Variants in DNM3 observed in about 807,000 individuals in gnomAD.
DNM3 encodes the protein dynamin 3, also known as dynamin-3.
A neutral mutation model predicts 101.6 loss-of-function variants in DNM3; 47 were observed. That is an observed-to-expected ratio of 0.46 (90% CI 0.37 to 0.59). The LOEUF (loss-of-function observed/expected upper bound fraction) is 0.59. Among genes scored for constraint, DNM3 ranks in the 20% least tolerant of loss-of-function variants. The pLI is 0.00. For synonymous variants in DNM3, 385 were observed against 387.9 expected, an observed-to-expected ratio of 0.99 and a Z score of 0.09; for missense variants, 849 against 1,085.7, an observed-to-expected ratio of 0.78 and a Z score of 3.06.
intron 17 of DNM3, among the ~76,000 whole-genome samples, chr1:172,346,122 CAAAAAAA>C (rs554868535): frequency 9.8e-5 from 9 of 92,156 alleles, no homozygotes; most frequent in Non-Finnish European, 1.8e-4. Flanking sequence ...GACTCCGTCT[CAAAAAAA>C]AAAAAAAAAA....
At chr1:172,109,726 A>C (rs1038038155) in intron 13 of DNM3, among the ~76,000 whole-genome samples, 1 of 152,238 alleles carries the variant, frequency 6.6e-6, no homozygotes, top group Non-Finnish European at 1.5e-5. Context: ...ATTTCCCATC[A>C]GAAATCAGAA....
intron 1 of DNM3, among the ~76,000 whole-genome samples, chr1:171,900,208 G>A (rs558633318): frequency 3.3e-5 from 5 of 152,144 alleles, no homozygotes; most frequent in Non-Finnish European, 7.4e-5. Flanking sequence ...GATTCAAAGA[G>A]GACAATAGCG....
intron 15 of DNM3, among the ~76,000 whole-genome samples, chr1:172,296,566 AGG>A (rs1002897398): frequency 6.6e-6 from 1 of 152,202 alleles, no homozygotes; most frequent in African/African-American, 2.4e-5. Flanking sequence ...CTGACTATAC[AGG>A]GATGTGGAAT....
At chr1:172,308,423 A>G (rs1287813792) in intron 15 of DNM3, among the ~76,000 whole-genome samples, 1 of 152,238 alleles carries the variant, frequency 6.6e-6, no homozygotes, top group African/African-American at 2.4e-5. Flanking sequence ...CCTTCCCCAC[A>G]GCACAAGTTC....
At chr1:172,392,449 ATCTTAAACAGACAT>A (rs2069605610) in intron 20 of DNM3, among the ~76,000 whole-genome samples, 1 of 152,212 alleles carries the variant, frequency 6.6e-6, no homozygotes, top group African/African-American at 2.4e-5. Flanking sequence ...TAACAAGATG[ATCTTAAACAGACAT>A]CACCACCTCT....
Position 171,911,116 on chromosome 1 carries a change from G to A in DNM3, c.162-10632G>A, listed in dbSNP as rs368173610. On this transcript the variant is annotated intron_variant, in intron 1 of 20. Coordinates refer to ENST00000627582, the MANE Select transcript of DNM3 (RefSeq NM_015569.5). ...AGAGTGAGAGAGAAGCTGGATCCAG[G>A]AATCCACTTAAATCCTTCCTGGTTA... Among the ~76,000 whole-genome samples the A allele has an allele frequency of 8.5e-5, 13 of 152,220 alleles. No homozygotes were observed. In the East Asian group the frequency reaches 2.3e-3, roughly 27 times the overall value.
At chr1:171,920,721 A>G (rs368617378) in intron 1 of DNM3, among the ~76,000 whole-genome samples, 6 of 152,214 alleles carry the variant, frequency 3.9e-5, no homozygotes, top group African/African-American at 1.2e-4. Flanking sequence ...TTGCAGATGT[A>G]ATATTATGTA....
chr1:172,317,140 T>G lies in DNM3; in HGVS notation c.1882-6189T>G, dbSNP rs1388782981. Among the ~76,000 whole-genome samples, 11 of 151,270 alleles carry G rather than the reference T, an allele frequency of 7.3e-5. No individual in the cohort carries two copies. In the East Asian group the frequency reaches 1.6e-3, roughly 21 times the overall value. On this transcript the variant is annotated intron_variant, in intron 16 of 20. Transcript: ENST00000627582. ...GAACAACCTGCTCCTGAATGACTACTGGGTACATAACGAAATGAAGGCAGA... is the reference window on the plus strand; with the variant it reads ...GAACAACCTGCTCCTGAATGACTACGGGGTACATAACGAAATGAAGGCAGA...
At chr1:171,995,419 T>G (rs1305379955) in intron 4 of DNM3, among the ~76,000 whole-genome samples, 1 of 150,930 alleles carries the variant, frequency 6.6e-6, no homozygotes, top group Non-Finnish European at 1.5e-5. Flanking sequence ...ATCCAGGTGT[T>G]TTTTTTTTTG....
intron 14 of DNM3, among the ~76,000 whole-genome samples, chr1:172,194,855 A>G (rs565911408): frequency 6.6e-6 from 1 of 152,146 alleles, no homozygotes; most frequent in African/African-American, 2.4e-5. Context: ...TCTTTAGCCC[A>G]TTTACATTTA....
At chr1:172,228,571 G>A (rs931838579) in intron 14 of DNM3, among the ~76,000 whole-genome samples, 10 of 152,138 alleles carry the variant, frequency 6.6e-5, no homozygotes, top group African/African-American at 1.7e-4. Context: ...ATTTGCAACT[G>A]CCTGTTCTTC....
chr1:172,339,538 T>C lies in DNM3; in HGVS notation c.1893+16198T>C, dbSNP rs115987966. ...GCTTACGGGCCAAAGCACCCAGAGG[T>C]GTAACAAACACTTGGTGTTTAGCTA... On this transcript the variant is annotated intron_variant, in intron 17 of 20. Transcript: ENST00000627582. Among the ~76,000 whole-genome samples the C allele has an allele frequency of 9.3e-3, 1,415 of 152,198 alleles. 31 individuals carry two copies. The highest frequency in any genetic ancestry group is 0.032 in the African/African-American group (1,336 of 41,536).
intron 1 of DNM3, among the ~76,000 whole-genome samples, chr1:171,896,986 T>C (rs1363959229): frequency 6.6e-6 from 1 of 152,206 alleles, no homozygotes; most frequent in African/African-American, 2.4e-5. Flanking sequence ...TTCTGAAAGA[T>C]TTAAGTCTTT....
intron 17 of DNM3, among the ~76,000 whole-genome samples, chr1:172,344,666 T>C (rs1040717064): frequency 6.6e-6 from 1 of 152,214 alleles, no homozygotes; most frequent in Non-Finnish European, 1.5e-5. Context: ...GCCGAACTGA[T>C]GGCGCCAGCG....
chr1:171,975,955 C>T (rs992385214), intron 2 of DNM3, among the ~76,000 whole-genome samples: 5 of 152,000 alleles, frequency 3.3e-5, no homozygotes, highest in African/African-American at 1.2e-4. Flanking sequence ...GCCTGGGCAA[C>T]TTAGCAAGAC....
At chr1:172,398,375 G>A (rs2070192462) in intron 20 of DNM3, among the ~76,000 whole-genome samples, 1 of 152,136 alleles carries the variant, frequency 6.6e-6, no homozygotes. Context: ...AGAAGAAAAT[G>A]TTCTGGTTTA....
rs565353047 is a variant in DNM3, at chr1:172,412,546, C to T, written c.*4705C>T. On this transcript the variant is annotated 3_prime_UTR_variant, in exon 21 of 21. Coordinates refer to ENST00000627582, the MANE Select transcript of DNM3 (RefSeq NM_015569.5). ...TAATTAATATGAGCCGGATACTTTC[C>T]ACTGTCTTCTTGGCACTTTCAGGAT... The T allele has an allele frequency of 3.2e-4, 313 of 984,550 alleles. No individual in the cohort carries two copies. The highest frequency in any genetic ancestry group is 3.6e-4 in the Non-Finnish European group (302 of 829,820). The allele number at this position is 984,550 out of a possible 1,614,324, so 61.0% of individuals were successfully genotyped here.
intron 13 of DNM3, among the ~76,000 whole-genome samples, chr1:172,094,656 T>A (rs1047286129): frequency 6.6e-6 from 1 of 152,186 alleles, no homozygotes; most frequent in African/African-American, 2.4e-5. Flanking sequence ...GTACCAGATA[T>A]GTGCCCTGTA....
intron 17 of DNM3, among the ~76,000 whole-genome samples, chr1:172,346,159 T>C (rs2066930201): frequency 6.8e-6 from 1 of 147,552 alleles, no homozygotes; most frequent in African/African-American, 2.5e-5. Context: ...AAGAAAAAGA[T>C]GTAGATTAGC....
Sources: gnomAD v4.1 joint callset for allele counts (sites outside exome capture counted in the v4.1 genomes callset) on GRCh38, gnomAD v4.1.1 for gene constraint, MANE v1.5 for transcripts, NCBI Gene and HGNC (gene_info 2026-07-23, HGNC 2026-07-21) for gene names.